Variants in NYAP2 observed in about 807,000 individuals in gnomAD.
NYAP2 encodes the protein neuronal tyrosine-phosphorylated phosphoinositide-3-kinase adaptor 2.
A neutral mutation model predicts 50.4 loss-of-function variants in NYAP2; 23 were observed. The ratio of observed to expected loss-of-function variants is 0.46; its 90% CI spans 0.33 to 0.65. NYAP2 has a LOEUF of 0.65. NYAP2 is among the 30% of genes least tolerant of loss of function. The pLI is 0.02. For missense variants in NYAP2, 885 were observed against 861.0 expected, an observed-to-expected ratio of 1.03 and a Z score of -0.35; for synonymous variants, 394 against 365.2, an observed-to-expected ratio of 1.08 and a Z score of -0.90.
At chr2:225,458,291 A>C (rs1481810373) in intron 3 of NYAP2, among the ~76,000 whole-genome samples, 1 of 152,142 alleles carries the variant, frequency 6.6e-6, no homozygotes, top group Non-Finnish European at 1.5e-5. Context: ...GTTGAGGCTG[A>C]AGTGAGCCAT....
At chr2:225,508,035 C>T (rs941648351) in intron 3 of NYAP2, among the ~76,000 whole-genome samples, 2 of 152,144 alleles carry the variant, frequency 1.3e-5, no homozygotes, top group African/African-American at 4.8e-5. Flanking sequence ...GGAAAAATAA[C>T]CCTCCTTGAT....
chr2:225,478,372 T>C (rs1008572317), intron 3 of NYAP2, among the ~76,000 whole-genome samples: 2 of 152,098 alleles, frequency 1.3e-5, no homozygotes, highest in Non-Finnish European at 2.9e-5. Context: ...AAGTTAAAAA[T>C]AAAAGAAGAT....
intron 4 of NYAP2, among the ~76,000 whole-genome samples, chr2:225,577,031 TA>T (rs1559219290): frequency 1.5e-5 from 2 of 135,872 alleles, no homozygotes; most frequent in Admixed American, 7.5e-5. Flanking sequence ...TTTTTTTTTT[TA>T]AATAAGGAAA....
In NYAP2 at chr2:225,507,560, C is replaced by T. The variant is rs1690729862; in HGVS notation, c.222-5811C>T. On this transcript the variant is annotated intron_variant, in intron 3 of 6. Transcript: ENST00000636099. The stretch of plus-strand genomic sequence containing the variant: ...TTTAAGAAAGTTAACAACATGAGGG[C>T]TACAGTTGCCTAGATTATCTTGATA... 2.6e-5 allele frequency among the ~76,000 whole-genome samples: 4 copies of T among 152,280 alleles called. No homozygotes were observed. The South Asian group carries it at 8.3e-4, about 32-fold the overall frequency.
the NYAP2 span, among the ~76,000 whole-genome samples, chr2:225,674,639 T>C: frequency 1.3e-5 from 2 of 152,072 alleles, no homozygotes; most frequent in African/African-American, 4.8e-5. Flanking sequence ...CGACATGTCA[T>C]TAGTCTGTTG....
At chr2:225,611,059 T>G (rs994354551) in intron 5 of NYAP2, among the ~76,000 whole-genome samples, 15 of 152,168 alleles carry the variant, frequency 9.9e-5, no homozygotes. Flanking sequence ...TGGTTGAGTT[T>G]GGGATGCAGA....
At chr2:225,585,306 C>T (rs1692370583) in intron 5 of NYAP2, among the ~76,000 whole-genome samples, 1 of 152,190 alleles carries the variant, frequency 6.6e-6, no homozygotes, top group African/African-American at 2.4e-5. Context: ...TTCCTCCCTA[C>T]CTATCAGCTT....
rs369413854 is a variant in NYAP2 at position 225,497,811 on chromosome 2, T to C, written c.222-15560T>C. On this transcript the variant is annotated intron_variant, in intron 3 of 6. Transcript: ENST00000636099. ...GTGTGATCTATAGTGTCTTTTTCTA[T>C]AGACACACAGATGATGGAATTTTTT... is the stretch of plus-strand genomic sequence containing the variant. Among the ~76,000 whole-genome samples, 70 of 152,310 alleles carry C rather than the reference T, an allele frequency of 4.6e-4. No individual in the cohort carries two copies. The East Asian group carries it at 0.011, about 24-fold the overall frequency.
At chr2:225,571,159 C>G (rs1369078679) in intron 4 of NYAP2, among the ~76,000 whole-genome samples, 1 of 152,208 alleles carries the variant, frequency 6.6e-6, no homozygotes, top group South Asian at 2.1e-4. Context: ...ATGGTACAGC[C>G]CCACTCTGTG....
exon 4 of NYAP2, chr2:225,513,468 C>G: frequency 6.2e-7 from 1 of 1,613,946 alleles, no homozygotes; most frequent in South Asian, 1.1e-5. Flanking sequence ...GGACAGACTT[C>G]CCCATCCTTG....
intron 3 of NYAP2, among the ~76,000 whole-genome samples, chr2:225,449,201 A>T (rs1444907018): frequency 6.6e-6 from 1 of 152,212 alleles, no homozygotes; most frequent in Non-Finnish European, 1.5e-5. Context: ...GCATAATATT[A>T]GGTGTTCACT....
intron 2 of NYAP2, among the ~76,000 whole-genome samples, chr2:225,401,900 G>C (rs1317429372): frequency 2.6e-5 from 4 of 151,848 alleles, no homozygotes; most frequent in Non-Finnish European, 5.9e-5. Context: ...TGTAGTTTTA[G>C]TCATTTTAAC....
At chr2:225,412,359 A>G in intron 3 of NYAP2, among the ~76,000 whole-genome samples, 1 of 147,430 alleles carries the variant, frequency 6.8e-6, no homozygotes, top group African/African-American at 2.5e-5. Flanking sequence ...CTGCAGAAAG[A>G]GAAATATTGA....
chr2:225,414,559 G>T (rs995933554), intron 3 of NYAP2, among the ~76,000 whole-genome samples: 1 of 152,024 alleles, frequency 6.6e-6, no homozygotes, highest in African/African-American at 2.4e-5. Context: ...AAGGATAGTC[G>T]TGTATTGAAC....
At chr2:225,555,527 A>G (rs987467166) in intron 4 of NYAP2, among the ~76,000 whole-genome samples, 3 of 152,146 alleles carry the variant, frequency 2.0e-5, no homozygotes, top group Admixed American at 1.3e-4. Context: ...AATCCATAAC[A>G]TGTTTGATTT....
chr2:225,597,065 T>C (rs1403870863), intron 5 of NYAP2, among the ~76,000 whole-genome samples: 1 of 152,176 alleles, frequency 6.6e-6, no homozygotes, highest in Non-Finnish European at 1.5e-5. Context: ...TATTTGTATC[T>C]GTGAAAAACA....
chr2:225,636,511 T>TATA (rs1693419581), intron 6 of NYAP2, among the ~76,000 whole-genome samples: 1 of 151,836 alleles, frequency 6.6e-6, no homozygotes, highest in African/African-American at 2.4e-5. Context: ...TCATTATTAT[T>TATA]ATACTTTAAG....
At chr2:225,421,181 G>A (rs1406514085) in intron 3 of NYAP2, among the ~76,000 whole-genome samples, 2 of 152,162 alleles carry the variant, frequency 1.3e-5, no homozygotes, top group East Asian at 3.9e-4. Context: ...AAACGCTGAG[G>A]AGACAGGCAT....
chr2:225,558,617 C>A (rs969754279), intron 4 of NYAP2, among the ~76,000 whole-genome samples: 1 of 152,134 alleles, frequency 6.6e-6, no homozygotes, highest in Non-Finnish European at 1.5e-5. Flanking sequence ...ACAATCCAGG[C>A]TAATCTCCCC....
Sources: gnomAD v4.1 joint callset for allele counts (sites outside exome capture counted in the v4.1 genomes callset) on GRCh38, gnomAD v4.1.1 for gene constraint, MANE v1.5 for transcripts, NCBI Gene and HGNC (gene_info 2026-07-23, HGNC 2026-07-21) for gene names.